GORASP2: variants seen among roughly 807,000 people sequenced by gnomAD.
The protein encoded by GORASP2 is golgi reassembly stacking protein 2.
A neutral mutation model predicts 45.7 loss-of-function variants in GORASP2; 22 were observed. That is an observed-to-expected ratio of 0.48 (90% CI 0.34 to 0.69). The LOEUF (loss-of-function observed/expected upper bound fraction) is 0.69. GORASP2 is among the 30% of genes least tolerant of loss of function. The probability of loss-of-function intolerance (pLI) is 0.01; values close to 1 mark genes in which losing one functional copy is unlikely to be tolerated. For missense variants in GORASP2, 491 were observed against 562.7 expected (o/e 0.87, Z 1.29); for synonymous variants, 221 against 215.6 (o/e 1.02, Z -0.22).
chr2:170,951,889 C>T (rs953743989), intron 5 of GORASP2, among the ~76,000 whole-genome samples: 2 of 152,174 alleles, frequency 1.3e-5, no homozygotes, highest in African/African-American at 4.8e-5. Flanking sequence ...CTGAATGTTT[C>T]GCCACAAGTA....
In GORASP2 at chr2:170,951,478, TAA is replaced by T. The variant is rs751439747; in HGVS notation, c.566+21_566+22del. 1 of 1,588,218 alleles carries T rather than the reference TAA, an allele frequency of 6.3e-7. No individual in the cohort carries two copies. Among genetic ancestry groups the T allele is most frequent in the Non-Finnish European group, 8.6e-7 (1 of 1,164,874 alleles). On this transcript the variant is annotated intron_variant, in intron 5 of 9. Coordinates refer to ENST00000234160, the MANE Select transcript of GORASP2 (RefSeq NM_015530.5). ...AGGCAGGTAAGGTCATTTTTTAGAC[TAA>T]GTTATGACTGCTTAAACATACCAGT...
chr2:170,935,169 A>T (rs986195112), intron 1 of GORASP2, among the ~76,000 whole-genome samples: 2 of 152,200 alleles, frequency 1.3e-5, no homozygotes, highest in Admixed American at 6.5e-5. Context: ...AAATCTTGGG[A>T]TACTTTTAGG....
chr2:170,929,827 C>T (rs770400543), intron 1 of GORASP2: 3 of 462,024 alleles, frequency 6.5e-6, no homozygotes, highest in South Asian at 4.7e-5. Flanking sequence ...GAGAGGGATC[C>T]GGACCCGCAG....
At chr2:170,929,230 G>C (rs527301260), upstream of GORASP2, 15 of 821,054 alleles carry the variant, frequency 1.8e-5, no homozygotes, top group East Asian at 3.7e-4. Flanking sequence ...CCGGCTCTCC[G>C]GCGGCAGCGA....
At chr2:170,965,272 C>G (rs986054804) in intron 9 of GORASP2, among the ~76,000 whole-genome samples, 7 of 152,158 alleles carry the variant, frequency 4.6e-5, no homozygotes, top group African/African-American at 1.7e-4. Flanking sequence ...AGTTATCAAT[C>G]ACAGGTTTTA....
intron 8 of GORASP2, among the ~76,000 whole-genome samples, 168 bp from the exon 9 acceptor site, chr2:170,962,671 T>A (rs1295235781): frequency 6.6e-6 from 1 of 152,222 alleles, no homozygotes; most frequent in East Asian, 1.9e-4. Flanking sequence ...ATATTTCAAT[T>A]AAGTGAAATT....
At chr2:170,956,920 A>T (rs569054412) in intron 7 of GORASP2, among the ~76,000 whole-genome samples, 3 of 152,300 alleles carry the variant, frequency 2.0e-5, no homozygotes, top group East Asian at 1.9e-4. Flanking sequence ...AAAGAATTTT[A>T]AAAAATTATT....
At position 170,966,008 on chromosome 2, in the gene GORASP2, G is replaced by A; in HGVS notation, c.1237G>A (p.Asp413Asn). 4 of 1,613,960 alleles carry A rather than the reference G, an allele frequency of 2.5e-6. No homozygotes were observed. The South Asian group carries it at 4.4e-5, about 18-fold the overall frequency. The change falls in exon 10 of 10, where the codon GAT (aspartate) becomes AAT (asparagine). Residue 413 changes from aspartate (D) to asparagine (N), a missense_variant. Physicochemically the swap from Asp to Asn is conservative, Grantham distance 23 (BLOSUM62 1). Coordinates refer to ENST00000234160, the MANE Select transcript of GORASP2 (RefSeq NM_015530.5). ...KADAASSLTV[D>N]VTPPTAKAPT... ...AGACGCTGCCTCCTCACTCACTGTG[G>A]ATGTGACGCCCCCCACTGCCAAGGC...
rs1432428304 is a variant in GORASP2, at chr2:170,935,588, T to TC, written c.63+6185_63+6186insC. 8.4e-3 allele frequency among the ~76,000 whole-genome samples: 1,217 copies of TC among 145,048 alleles called. 20 individuals are homozygous for TC. The highest frequency in any genetic ancestry group is 0.026 in the African/African-American group (1,044 of 39,718). ...GCCCCACCTCTTTTTTTTTTTTTTT[T>TC]TTCTTTTTTTGACACAGGGTCTCAC... On this transcript the variant is annotated intron_variant, in intron 1 of 9. Coordinates refer to ENST00000234160, the MANE Select transcript of GORASP2 (RefSeq NM_015530.5).
intron 4 of GORASP2, among the ~76,000 whole-genome samples, chr2:170,950,700 G>A (rs1559312196): frequency 2.0e-5 from 3 of 152,188 alleles, no homozygotes; most frequent in Non-Finnish European, 4.4e-5. Flanking sequence ...TGAGAGAAAA[G>A]GCTGGGCACA....
chr2:170,946,910 A>C (rs762862278), intron 1 of GORASP2, among the ~76,000 whole-genome samples: 4 of 152,168 alleles, frequency 2.6e-5, no homozygotes, highest in Admixed American at 6.6e-5. Flanking sequence ...ACTGCACTCC[A>C]GCCTAGGCAA....
chr2:170,942,564 T>A (rs928956707), intron 1 of GORASP2, among the ~76,000 whole-genome samples: 1 of 152,254 alleles, frequency 6.6e-6, no homozygotes, highest in African/African-American at 2.4e-5. Context: ...TACTTCATCC[T>A]TTCTTATGGG....
intron 5 of GORASP2, among the ~76,000 whole-genome samples, chr2:170,952,975 C>T (rs1035839): frequency 0.87 from 133,100 of 152,216 alleles, 59,090 homozygotes; most frequent in East Asian, 1. Context: ...CATGCCTGGC[C>T]GAATTGCAGT....
intron 1 of GORASP2, among the ~76,000 whole-genome samples, chr2:170,932,873 A>T (rs1177099983): frequency 6.6e-6 from 1 of 152,256 alleles, no homozygotes; most frequent in African/African-American, 2.4e-5. Flanking sequence ...CCAACAGCTG[A>T]GAAATTGTTA....
chr2:170,935,454 C>T (rs914475817), intron 1 of GORASP2, among the ~76,000 whole-genome samples: 4 of 151,930 alleles, frequency 2.6e-5, no homozygotes, highest in Non-Finnish European at 4.4e-5. Context: ...AGGGTTTCAC[C>T]TTATTGGCCA....
chr2:170,947,110 C>T (rs1056336688), intron 1 of GORASP2, among the ~76,000 whole-genome samples: 1 of 152,050 alleles, frequency 6.6e-6, no homozygotes, highest in Non-Finnish European at 1.5e-5. Context: ...CTTTGAGAAT[C>T]TGATGAAAGC....
rs1312959429 is a variant in GORASP2, at chr2:170,929,471, C to T, written c.63+68C>T. On this transcript the variant is annotated intron_variant, in intron 1 of 9. Transcript: ENST00000234160. ...GGGGCCGGCCGCGGGGAGGCGGAGG[C>T]CCCCATGGGCTCCTTCACGGGGCAG... 6.9e-6 allele frequency: 8 copies of T among 1,155,734 alleles called. 1 individual carries two copies. The highest frequency in any genetic ancestry group is 4.6e-5 in the South Asian group (2 of 43,290). The allele number at this position is 1,155,734 out of a possible 1,614,324, so 71.6% of individuals were successfully genotyped here. A position where few individuals can be genotyped will look rare whatever the true frequency, so the allele number is the denominator to read the frequency against.
At chr2:170,938,768 A>G (rs1448609917) in intron 1 of GORASP2, among the ~76,000 whole-genome samples, 1 of 152,204 alleles carries the variant, frequency 6.6e-6, no homozygotes, top group Non-Finnish European at 1.5e-5. Context: ...CGAGGCGGTG[A>G]TCACCTGAGG....
At chr2:170,939,817 T>A (rs1704032566) in intron 1 of GORASP2, among the ~76,000 whole-genome samples, 1 of 152,224 alleles carries the variant, frequency 6.6e-6, no homozygotes, top group Non-Finnish European at 1.5e-5. Context: ...ATTTAGGATT[T>A]CTTTTTATTA....
Sources: gnomAD v4.1 joint callset for allele counts (sites outside exome capture counted in the v4.1 genomes callset) on GRCh38, gnomAD v4.1.1 for gene constraint, MANE v1.5 for transcripts, NCBI Gene and HGNC (gene_info 2026-07-23, HGNC 2026-07-21) for gene names.